Variants in HDAC9 observed in about 807,000 individuals in gnomAD.
HDAC9 encodes MEF-2 interacting transcription repressor (MITR) protein.
In HDAC9, 41 loss-of-function variants were observed where a neutral mutation model predicts 139.4. That is an observed-to-expected ratio of 0.29 (90% CI 0.23 to 0.38). The LOEUF (loss-of-function observed/expected upper bound fraction) is 0.38, where lower values mean the gene tolerates loss of function less well. HDAC9 is among the 10% of genes least tolerant of loss of function. The pLI is 1.00. For missense variants in HDAC9, 1,147 were observed against 1,297.0 expected, an observed-to-expected ratio of 0.88 and a Z score of 1.78; for synonymous variants, 517 against 476.2, an observed-to-expected ratio of 1.09 and a Z score of -1.12.
intron 1 of HDAC9, among the ~76,000 whole-genome samples, chr7:18,304,489 T>G (rs1275890758): frequency 6.6e-6 from 1 of 152,152 alleles, no homozygotes; most frequent in Non-Finnish European, 1.5e-5. Context: ...GGAGCCCCTG[T>G]TATAGGTAAA....
At chr7:18,832,042 T>A (rs1795892376) in intron 19 of HDAC9, among the ~76,000 whole-genome samples, 1 of 152,220 alleles carries the variant, frequency 6.6e-6, no homozygotes, top group East Asian at 1.9e-4. Context: ...AGTTGATCTG[T>A]GGAGCTCATT....
intron 17 of HDAC9, among the ~76,000 whole-genome samples, 197 bp from the exon 18 acceptor site, chr7:18,828,964 G>C (rs1424130582): frequency 6.6e-6 from 1 of 152,208 alleles, no homozygotes. Context: ...GACATGATCT[G>C]AGAAAATGTG....
At chr7:18,384,153 A>G (rs1056939868) in intron 1 of HDAC9, among the ~76,000 whole-genome samples, 10 of 152,218 alleles carry the variant, frequency 6.6e-5, no homozygotes, top group African/African-American at 2.4e-4. Flanking sequence ...TCTACAAAGA[A>G]TAAAATAGTT....
intron 12 of HDAC9, among the ~76,000 whole-genome samples, chr7:18,679,716 A>G (rs1781766114): frequency 6.6e-6 from 1 of 151,856 alleles, no homozygotes; most frequent in Non-Finnish European, 1.5e-5. Context: ...AATATGTCTT[A>G]TGAAAAATTT....
At chr7:18,906,036 TCTC>T (rs1802228293) in intron 22 of HDAC9, among the ~76,000 whole-genome samples, 1 of 151,650 alleles carries the variant, frequency 6.6e-6, no homozygotes, top group African/African-American at 2.4e-5. Context: ...TCTTTCTCTC[TCTC>T]TTTTCTATCC....
At chr7:18,517,623 C>T (rs1053480795) in intron 2 of HDAC9, 1 of 152,304 alleles carries the variant, frequency 6.6e-6, no homozygotes, top group Non-Finnish European at 1.5e-5. Flanking sequence ...CATATCTTTT[C>T]TCAACACTGA....
intron 2 of HDAC9, among the ~76,000 whole-genome samples, chr7:18,547,181 G>T (rs1815156965): frequency 6.6e-6 from 1 of 152,174 alleles, no homozygotes. Context: ...CCTCAATGTC[G>T]ATGGCTGCTG....
chr7:18,894,728 G>A (rs1217796068), intron 22 of HDAC9, among the ~76,000 whole-genome samples: 1 of 152,140 alleles, frequency 6.6e-6, no homozygotes, highest in African/African-American at 2.4e-5. Context: ...GCATATTTAT[G>A]TGATGCTGGT....
intron 17 of HDAC9, among the ~76,000 whole-genome samples, chr7:18,822,735 G>T (rs556791142): frequency 6.6e-6 from 1 of 152,296 alleles, no homozygotes; most frequent in East Asian, 1.9e-4. Context: ...TTCTGTGCCA[G>T]ATTGCCTGGA....
chr7:18,548,985 A>T (rs900024353), intron 2 of HDAC9, among the ~76,000 whole-genome samples: 4 of 152,128 alleles, frequency 2.6e-5, no homozygotes, highest in African/African-American at 9.7e-5. Flanking sequence ...CATGCCTGTA[A>T]TCTCAGCACT....
intron 6 of HDAC9, among the ~76,000 whole-genome samples, chr7:18,611,937 A>C (rs1367670093): frequency 1.3e-5 from 2 of 152,170 alleles, no homozygotes; most frequent in Non-Finnish European, 2.9e-5. Flanking sequence ...AGTTTTTCAA[A>C]TAAGGTATTT....
chr7:18,738,618 C>A (rs1787148600), intron 13 of HDAC9, among the ~76,000 whole-genome samples: 1 of 152,214 alleles, frequency 6.6e-6, no homozygotes, highest in Non-Finnish European at 1.5e-5. Context: ...AGGGTTTCTG[C>A]AGAGAGATCC....
At chr7:18,431,694 A>G (rs562806201) in intron 1 of HDAC9, among the ~76,000 whole-genome samples, 2 of 152,352 alleles carry the variant, frequency 1.3e-5, no homozygotes, top group Admixed American at 1.3e-4. Flanking sequence ...AATATTAGAT[A>G]AATACATACT....
intron 23 of HDAC9, among the ~76,000 whole-genome samples, chr7:18,939,742 C>T (rs189397749): frequency 1.3e-5 from 2 of 152,214 alleles, no homozygotes; most frequent in African/African-American, 4.8e-5. Flanking sequence ...TTTCAGATTG[C>T]GATTTCAAAT....
chr7:18,815,835 T>A (rs1794522145), intron 17 of HDAC9, among the ~76,000 whole-genome samples: 1 of 152,190 alleles, frequency 6.6e-6, no homozygotes, highest in African/African-American at 2.4e-5. Flanking sequence ...CCTTATTGTT[T>A]TCTTGGCAAA....
chr7:18,185,174 C>CA (rs1192084706), intron 2 of HDAC9, among the ~76,000 whole-genome samples: 6 of 151,820 alleles, frequency 4.0e-5, no homozygotes, highest in African/African-American at 1.2e-4. Flanking sequence ...GTGATCGAGG[C>CA]AAAAAAAGTC....
At chr7:18,883,757 T>G (rs1799912263) in intron 22 of HDAC9, among the ~76,000 whole-genome samples, 1 of 152,028 alleles carries the variant, frequency 6.6e-6, no homozygotes, top group African/African-American at 2.4e-5. Flanking sequence ...TGTCTCTGTT[T>G]CCAAATGACA....
chr7:18,802,770 A>G (rs1793411386), intron 17 of HDAC9, among the ~76,000 whole-genome samples: 1 of 151,574 alleles, frequency 6.6e-6, no homozygotes, highest in Non-Finnish European at 1.5e-5. Flanking sequence ...AAATATTTTT[A>G]TCCTCAATTA....
At chr7:18,536,333 T>C (rs981884631) in intron 2 of HDAC9, among the ~76,000 whole-genome samples, 2 of 152,162 alleles carry the variant, frequency 1.3e-5, no homozygotes, top group African/African-American at 4.8e-5. Flanking sequence ...ACTATAAGCA[T>C]GATGTTTTCC....
Sources: gnomAD v4.1 joint callset for allele counts (sites outside exome capture counted in the v4.1 genomes callset) on GRCh38, gnomAD v4.1.1 for gene constraint, MANE v1.5 for transcripts, NCBI Gene and HGNC (gene_info 2026-07-23, HGNC 2026-07-21) for gene names.